Variants in RABGAP1L observed in about 807,000 individuals in gnomAD.
The protein encoded by RABGAP1L is rab GTPase-activating protein 1-like.
Under a neutral mutation model 137.7 loss-of-function variants are expected in RABGAP1L, and 63 were observed. The ratio of observed to expected loss-of-function variants is 0.46; its 90% CI spans 0.37 to 0.56. The LOEUF is 0.56. RABGAP1L is among the 20% of genes least tolerant of loss of function. The pLI is 0.00. For missense variants in RABGAP1L, 1,095 were observed against 1,244.0 expected, an observed-to-expected ratio of 0.88 and a Z score of 1.80; for synonymous variants, 431 against 433.7, an observed-to-expected ratio of 0.99 and a Z score of 0.08.
intron 11 of RABGAP1L, among the ~76,000 whole-genome samples, chr1:174,314,076 G>T (rs1396569816): frequency 6.6e-6 from 1 of 152,086 alleles, no homozygotes; most frequent in African/African-American, 2.4e-5. Context: ...GCAGTAGTTC[G>T]ATTTGGATTG....
At chr1:174,271,528 T>C (rs550275912) in intron 7 of RABGAP1L, among the ~76,000 whole-genome samples, 4 of 152,226 alleles carry the variant, frequency 2.6e-5, no homozygotes, top group African/African-American at 9.6e-5. Context: ...TGTGTGGGTA[T>C]GTGTTGTTGG....
chr1:174,630,985 A>G (rs974759790), intron 13 of RABGAP1L, among the ~76,000 whole-genome samples: 4 of 121,122 alleles, frequency 3.3e-5, no homozygotes, highest in Non-Finnish European at 6.8e-5. Context: ...TTGTGATGTT[A>G]GGGTGTCAAT....
At chr1:174,627,121 G>C (rs906855131) in intron 13 of RABGAP1L, among the ~76,000 whole-genome samples, 1 of 152,102 alleles carries the variant, frequency 6.6e-6, no homozygotes, top group African/African-American at 2.4e-5. Context: ...TTATACTTTG[G>C]ATTTGATAAT....
intron 13 of RABGAP1L, among the ~76,000 whole-genome samples, chr1:174,553,103 G>GTT (rs1385136011): frequency 2.6e-5 from 4 of 151,992 alleles, no homozygotes; most frequent in African/African-American, 9.7e-5. Flanking sequence ...ATTTGTTTAA[G>GTT]TTCTTTATAG....
At chr1:174,184,871 T>TA (rs1666677110) in intron 1 of RABGAP1L, among the ~76,000 whole-genome samples, 1 of 152,204 alleles carries the variant, frequency 6.6e-6, no homozygotes, top group African/African-American at 2.4e-5. Context: ...TTTATTTATT[T>TA]CTTCAATTCC....
chr1:174,272,648 G>A (rs943485141), intron 8 of RABGAP1L, among the ~76,000 whole-genome samples, 168 bp downstream of exon 8: 14 of 151,930 alleles, frequency 9.2e-5, no homozygotes, highest in African/African-American at 2.7e-4. Context: ...TTGTGAAAGA[G>A]GAATTCAGGA....
rs1553330253 is a variant in RABGAP1L at position 174,550,990 on chromosome 1, A to ATATACATATG, written c.1711-86381_1711-86380insCATATGTATA. 1.4e-3 allele frequency among the ~76,000 whole-genome samples: 131 copies of ATATACATATG among 96,170 alleles called. 8 individuals carry two copies. Among genetic ancestry groups the ATATACATATG allele is most frequent in the African/African-American group, 9.1e-3 (121 of 13,328 alleles). The allele number at this position is 96,170 out of a possible 152,430, so 63.1% of individuals were successfully genotyped here. On this transcript the variant is annotated intron_variant, in intron 13 of 25. Transcript: ENST00000681986. Reference sequence around the variant, plus strand: ...TATATACATGTATATATACATATATATATATACACATATATATATATATAT... The same window carrying ATATACATATG: ...TATATACATGTATATATACATATATATATACATATGTATATACACATATATATATATATAT...
intron 7 of RABGAP1L, among the ~76,000 whole-genome samples, chr1:174,266,240 TTAGC>T (rs759479638): frequency 1.3e-5 from 2 of 152,208 alleles, no homozygotes; most frequent in African/African-American, 2.4e-5. Flanking sequence ...GGGGAGAAGA[TTAGC>T]TAGTAACTGT....
intron 17 of RABGAP1L, among the ~76,000 whole-genome samples, chr1:174,718,389 C>G (rs535868607): frequency 6.6e-6 from 1 of 152,276 alleles, no homozygotes; most frequent in East Asian, 1.9e-4. Context: ...GAATCTCTAC[C>G]TCACTTCTCT....
At chr1:174,464,363 A>C (rs1316286535) in intron 13 of RABGAP1L, among the ~76,000 whole-genome samples, 1 of 152,160 alleles carries the variant, frequency 6.6e-6, no homozygotes. Context: ...CAGGAATTAA[A>C]CTATCATCCT....
intron 15 of RABGAP1L, among the ~76,000 whole-genome samples, chr1:174,686,128 T>C (rs553179212): frequency 6.6e-6 from 1 of 152,284 alleles, no homozygotes; most frequent in Non-Finnish European, 1.5e-5. Context: ...CAATGAATAG[T>C]GTCAAATGTA....
chr1:174,478,272 G>GGTGT lies in RABGAP1L; in HGVS notation c.1710+84137_1710+84140dup, dbSNP rs575395996. Among the ~76,000 whole-genome samples the GGTGT allele has an allele frequency of 2.0e-4, 30 of 150,978 alleles. No homozygotes were observed. In the East Asian group the frequency reaches 5.6e-3, roughly 28 times the overall value. On this transcript the variant is annotated intron_variant, in intron 13 of 25. Coordinates refer to ENST00000681986, the MANE Select transcript of RABGAP1L (RefSeq NM_001366446.1). ...TTGTTGTTGTTATTTGTTTTTCGGA[G>GGTGT]GTGTGTGTGTGTGGTTGAGACAGGA...
intron 19 of RABGAP1L, among the ~76,000 whole-genome samples, chr1:174,826,071 G>T (rs1691535623): frequency 6.6e-6 from 1 of 152,112 alleles, no homozygotes; most frequent in Non-Finnish European, 1.5e-5. Context: ...ATAGTCCTGA[G>T]TATCTGTTGT....
Position 174,841,127 on chromosome 1 carries a change from A to G in RABGAP1L, c.2340+29167A>G, listed in dbSNP as rs550855392. Among the ~76,000 whole-genome samples, 240 of 152,286 alleles carry G rather than the reference A, an allele frequency of 1.6e-3. 3 individuals are homozygous for G. Among genetic ancestry groups the G allele is most frequent in the Non-Finnish European group, 2.5e-4 (17 of 68,008 alleles). On this transcript the variant is annotated intron_variant, in intron 19 of 25. Transcript: ENST00000681986. ...AGAGATCAAGTGGACAACAACTAAG[A>G]GAAAGAAAACCCAAATAAAATAATG...
intron 20 of RABGAP1L, chr1:174,958,139 C>T (rs761616577): frequency 9.4e-5 from 139 of 1,486,252 alleles, no homozygotes; most frequent in Non-Finnish European, 1.2e-4. Flanking sequence ...TTAAAAATAC[C>T]AACTCACTTG....
intron 19 of RABGAP1L, among the ~76,000 whole-genome samples, chr1:174,946,980 G>GTGTGTGTGTGTGTA (rs770439099): frequency 1.7e-4 from 13 of 78,248 alleles, no homozygotes; most frequent in Admixed American, 3.8e-4. Flanking sequence ...GTGTGTGTGT[G>GTGTGTGTGTGTGTA]TATATATATG....
At chr1:174,582,034 A>C (rs1668785625) in intron 13 of RABGAP1L, among the ~76,000 whole-genome samples, 2 of 152,158 alleles carry the variant, frequency 1.3e-5, no homozygotes. Flanking sequence ...ACTTTGACTT[A>C]GCTGTCGGAC....
intron 13 of RABGAP1L, among the ~76,000 whole-genome samples, chr1:174,528,048 A>G (rs1664063090): frequency 6.6e-6 from 1 of 151,968 alleles, no homozygotes; most frequent in Non-Finnish European, 1.5e-5. Flanking sequence ...TTACAGGTAA[A>G]GTACATTTCT....
At chr1:174,662,792 T>G (rs893028937) in intron 14 of RABGAP1L, among the ~76,000 whole-genome samples, 1 of 152,200 alleles carries the variant, frequency 6.6e-6, no homozygotes, top group African/African-American at 2.4e-5. Flanking sequence ...GATGGTGATA[T>G]TGATGATTCC....
Sources: gnomAD v4.1 joint callset for allele counts (sites outside exome capture counted in the v4.1 genomes callset) on GRCh38, gnomAD v4.1.1 for gene constraint, MANE v1.5 for transcripts, NCBI Gene and HGNC (gene_info 2026-07-23, HGNC 2026-07-21) for gene names.